The following WWOX variants were observed in gnomAD, a reference collection of about 807,000 sequenced individuals.
WWOX encodes the protein WW domain-containing oxidoreductase.
Under a neutral mutation model 46.2 loss-of-function variants are expected in WWOX, and 69 were observed. The ratio of observed to expected loss-of-function variants is 1.49; its 90% CI spans 1.23 to 1.82. WWOX has a LOEUF of 1.82. Among genes scored for constraint, WWOX ranks in the 40% most tolerant of loss-of-function variants. WWOX has a pLI of 0.00. For synonymous variants in WWOX, 359 were observed against 202.6 expected (o/e 1.77, Z -6.56); for missense variants, 919 against 542.6 (o/e 1.69, Z -6.89).
intron 8 of WWOX, among the ~76,000 whole-genome samples, chr16:79,173,480 C>G (rs1217690650): frequency 6.6e-6 from 1 of 152,156 alleles, no homozygotes; most frequent in Non-Finnish European, 1.5e-5. Flanking sequence ...TGGTTCTAAG[C>G]AAGCAGTTGA....
intron 8 of WWOX, among the ~76,000 whole-genome samples, chr16:79,211,196 C>G (rs559078688): frequency 1.3e-5 from 2 of 152,116 alleles, no homozygotes; most frequent in South Asian, 2.1e-4. Context: ...GTTTGTCAGA[C>G]AGAAGGTTCT....
At position 78,691,220 on chromosome 16, in the gene WWOX, C is replaced by T. The variant is rs148080599; in HGVS notation, c.1056+258468C>T. On this transcript the variant is annotated intron_variant, in intron 8 of 8. Transcript: ENST00000566780. ...TCCAGCGCCTAGAATTTTAGCTATG[C>T]TTCTCTTGTTTGTGATTCCAGGTTT... 8.8e-4 allele frequency: 617 copies of T among 702,050 alleles called. 1 individual carries two copies. The highest frequency in any genetic ancestry group is 1.2e-3 in the Non-Finnish European group (462 of 384,690). 43.5% of individuals were successfully genotyped at this position (702,050 alleles called of 1,614,324 possible).
intron 8 of WWOX, among the ~76,000 whole-genome samples, chr16:78,686,510 CA>C (rs35577182): frequency 2.6e-4 from 38 of 144,600 alleles, no homozygotes; most frequent in Non-Finnish European, 3.0e-4. Flanking sequence ...GACTCCCTGT[CA>C]AAAAAAAAAA....
chr16:78,502,645 A>G lies in WWOX; in HGVS notation c.1056+69893A>G, dbSNP rs1406908925. On this transcript the variant is annotated intron_variant, in intron 8 of 8. Transcript: ENST00000566780. ...TGCCATGAGCATCTGTGTTGTCCACAAGTTTCAGCATGGACTTCTGTTTTC... is the reference window on the plus strand; with the variant it reads ...TGCCATGAGCATCTGTGTTGTCCACGAGTTTCAGCATGGACTTCTGTTTTC... Among the ~76,000 whole-genome samples, 4 of 152,322 alleles carry G rather than the reference A, an allele frequency of 2.6e-5. No individual in the cohort carries two copies. In the East Asian group the frequency reaches 7.7e-4, roughly 29 times the overall value.
intron 8 of WWOX, among the ~76,000 whole-genome samples, chr16:78,471,570 A>G (rs1012459866): frequency 6.6e-6 from 1 of 152,182 alleles, no homozygotes; most frequent in Admixed American, 6.5e-5. Context: ...AAATCTCTGC[A>G]GCGATAGTTG....
chr16:79,189,835 A>C (rs999710401), intron 8 of WWOX, among the ~76,000 whole-genome samples: 4 of 147,690 alleles, frequency 2.7e-5, no homozygotes, highest in African/African-American at 1.0e-4. Context: ...TGCAATTGAT[A>C]GGAGCTGAGT....
intron 8 of WWOX, among the ~76,000 whole-genome samples, chr16:78,518,252 G>A (rs193283238): frequency 2.0e-5 from 3 of 152,144 alleles, no homozygotes; most frequent in African/African-American, 4.8e-5. Flanking sequence ...TGTTTTTTGA[G>A]ATGGAGTCTT....
chr16:78,663,537 T>A (rs922587283), intron 8 of WWOX, among the ~76,000 whole-genome samples: 8 of 152,336 alleles, frequency 5.3e-5, no homozygotes, highest in African/African-American at 1.9e-4. Flanking sequence ...AGGTTGCTTC[T>A]GATTTCTATT....
chr16:78,542,439 C>T lies in WWOX; in HGVS notation c.1056+109687C>T, dbSNP rs981391873. 5.3e-5 allele frequency among the ~76,000 whole-genome samples: 8 copies of T among 152,074 alleles called. No homozygotes were observed. The East Asian group carries it at 7.7e-4, about 15-fold the overall frequency. On this transcript the variant is annotated intron_variant, in intron 8 of 8. Coordinates refer to ENST00000566780, the MANE Select transcript of WWOX (RefSeq NM_016373.4). ...GCAGTCAGCCTAGTCCCCCAGTTTG[C>T]GTTTGAATTTGGTCCCAGATTTTTT...
At chr16:78,861,458 A>G (rs1401957980) in intron 8 of WWOX, among the ~76,000 whole-genome samples, 1 of 152,188 alleles carries the variant, frequency 6.6e-6, no homozygotes, top group African/African-American at 2.4e-5. Context: ...TAATTATTAC[A>G]TGTGGCCATT....
intron 5 of WWOX, among the ~76,000 whole-genome samples, chr16:78,170,066 C>T (rs535468554): frequency 5.4e-4 from 82 of 152,236 alleles, no homozygotes; most frequent in African/African-American, 1.9e-3. Context: ...CCCCTGACTT[C>T]CCAGAATGTG....
At chr16:78,960,849 T>C (rs1390403488) in intron 8 of WWOX, among the ~76,000 whole-genome samples, 1 of 152,226 alleles carries the variant, frequency 6.6e-6, no homozygotes, top group Non-Finnish European at 1.5e-5. Context: ...CTCAGTTGCT[T>C]TATTTACTGT....
At chr16:78,184,820 A>G (rs2035645382) in intron 5 of WWOX, among the ~76,000 whole-genome samples, 1 of 152,232 alleles carries the variant, frequency 6.6e-6, no homozygotes, top group Non-Finnish European at 1.5e-5. Flanking sequence ...TGTCACATGT[A>G]CAGGATCAAC....
intron 5 of WWOX, 123 bp from the exon 6 acceptor site, chr16:78,386,737 C>G (rs1335420730): frequency 2.6e-6 from 2 of 767,498 alleles, no homozygotes; most frequent in African/African-American, 3.4e-5. Flanking sequence ...TTTATATTCT[C>G]TCTGGGCGTC....
At chr16:79,095,860 CTTTTT>C (rs775730124) in intron 8 of WWOX, among the ~76,000 whole-genome samples, 2 of 118,492 alleles carry the variant, frequency 1.7e-5, no homozygotes, top group African/African-American at 6.8e-5. Context: ...CTCTCTCTCT[CTTTTT>C]TTTTTTTTTT....
intron 8 of WWOX, among the ~76,000 whole-genome samples, chr16:78,958,442 T>G (rs1045952065): frequency 6.6e-6 from 1 of 152,254 alleles, no homozygotes; most frequent in Non-Finnish European, 1.5e-5. Flanking sequence ...ATTTGCACTT[T>G]CAAAGTACTC....
At chr16:78,838,039 A>G (rs1190191440) in intron 8 of WWOX, among the ~76,000 whole-genome samples, 1 of 152,124 alleles carries the variant, frequency 6.6e-6, no homozygotes, top group African/African-American at 2.4e-5. Flanking sequence ...AAAGACTGGC[A>G]CAGTTAGAGG....
At chr16:78,625,409 T>G (rs368792520) in intron 8 of WWOX, among the ~76,000 whole-genome samples, 15 of 152,200 alleles carry the variant, frequency 9.9e-5, no homozygotes, top group East Asian at 3.9e-4. Context: ...ACTACTAGAA[T>G]GCCATATGCT....
chr16:79,187,148 A>C (rs1217518452), intron 8 of WWOX, among the ~76,000 whole-genome samples: 2 of 152,224 alleles, frequency 1.3e-5, no homozygotes, highest in Non-Finnish European at 2.9e-5. Flanking sequence ...TCCCAGCTCC[A>C]CCACTTACGA....
Sources: allele counts gnomAD v4.1 joint callset (sites outside exome capture counted in the v4.1 genomes callset), GRCh38; gene constraint gnomAD v4.1.1; transcripts MANE v1.5; gene names NCBI Gene and HGNC (gene_info 2026-07-23, HGNC 2026-07-21).